The following ST7L variants were observed in gnomAD, a reference collection of about 807,000 sequenced individuals.
ST7L encodes suppression of tumorigenicity 7 like, also known as suppressor of tumorigenicity 7 protein-like.
A neutral mutation model predicts 72.5 loss-of-function variants in ST7L; 57 were observed. The ratio of observed to expected loss-of-function variants is 0.79; its 90% CI spans 0.64 to 0.98. ST7L has a LOEUF of 0.98. Ranked by LOEUF, ST7L falls within the 50% of genes least tolerant of loss-of-function variation. The pLI is 0.00. For synonymous variants in ST7L, 221 were observed against 240.9 expected, an observed-to-expected ratio of 0.92 and a Z score of 0.77; for missense variants, 576 against 672.2, an observed-to-expected ratio of 0.86 and a Z score of 1.58.
chr1:112,547,689 A>C (rs919801153), intron 13 of ST7L, among the ~76,000 whole-genome samples: 2 of 148,142 alleles, frequency 1.4e-5, no homozygotes, highest in Non-Finnish European at 1.5e-5. Flanking sequence ...CAGCCTTCCA[A>C]GTAGCTGAGA....
At chr1:112,543,891 A>C (rs919867963) in intron 13 of ST7L, among the ~76,000 whole-genome samples, 1 of 150,172 alleles carries the variant, frequency 6.7e-6, no homozygotes, top group African/African-American at 2.5e-5. Flanking sequence ...AAAAAAAAAA[A>C]CCTAAACTAG....
Position 112,607,209 on chromosome 1 carries a change from T to C in ST7L, c.451+3632A>G, listed in dbSNP as rs190224702. The C allele has an allele frequency of 3.3e-5, 5 of 152,002 alleles. No individual in the cohort carries two copies. The East Asian group carries it at 5.8e-4, about 18-fold the overall frequency. The allele number at this position is 152,002 out of a possible 1,614,324, so 9.4% of individuals were successfully genotyped here. A position where few individuals can be genotyped will look rare whatever the true frequency, so the allele number is the denominator to read the frequency against. ...AGAGAGTATGTACTAGAAGGGGAAG[T>C]GTAAGAGGAAGGGAAACCACTTAGG... On this transcript the variant is annotated intron_variant, in intron 3 of 14. Coordinates refer to ENST00000358039, the MANE Select transcript of ST7L (RefSeq NM_017744.5).
In ST7L at chr1:112,571,672, C is replaced by T. The variant is rs570735128; in HGVS notation, c.1245+5314G>A. On this transcript the variant is annotated intron_variant, in intron 11 of 14. Coordinates refer to ENST00000358039, the MANE Select transcript of ST7L (RefSeq NM_017744.5). ...AACTCCTGACCTCAGGTGATCCACC[C>T]GCTTCGGCCTCCCAAAGGGCTGGGA... Among the ~76,000 whole-genome samples, 604 of 152,260 alleles carry T rather than the reference C, an allele frequency of 4.0e-3. 3 individuals are homozygous for T. The highest frequency in any genetic ancestry group is 5.2e-3 in the African/African-American group (216 of 41,562).
chr1:112,521,694 T>G (rs912473301), downstream of ST7L: 4 of 152,194 alleles, frequency 2.6e-5, no homozygotes, highest in Non-Finnish European at 5.9e-5. Context: ...TATTGTTCAC[T>G]CCACATTTGG....
chr1:112,576,874 C>T, intron 11 of ST7L, 112 bp downstream of exon 11: 1 of 686,970 alleles, frequency 1.5e-6, no homozygotes, highest in East Asian at 2.8e-5. Flanking sequence ...CAAAATATAG[C>T]AGATTAAAAC....
chr1:112,547,196 T>TC (rs1290643710), intron 13 of ST7L, among the ~76,000 whole-genome samples: 1 of 139,740 alleles, frequency 7.2e-6, no homozygotes, highest in Non-Finnish European at 1.5e-5. Context: ...TTTCTTTCTT[T>TC]TTTTTTTTTT....
rs187715727 is a variant in ST7L, at chr1:112,610,122, C to G, written c.451+719G>C. On this transcript the variant is annotated intron_variant, in intron 3 of 14. Transcript: ENST00000358039. ...TAATGGCCATATGAAACAGACCTGA[C>G]CAGTAGGAAGTAAGGTGAAATAGTA... Among the ~76,000 whole-genome samples the G allele has an allele frequency of 3.4e-3, 510 of 152,066 alleles. 1 individual carries two copies. The highest frequency in any genetic ancestry group is 6.8e-3 in the Middle Eastern group (2 of 294).
At chr1:112,591,438 G>A in intron 6 of ST7L, 87 bp downstream of exon 6, 1 of 1,122,192 alleles carries the variant, frequency 8.9e-7, no homozygotes, top group Non-Finnish European at 1.3e-6. Flanking sequence ...GACTCCAAGT[G>A]TCTTAGGAAC....
intron 11 of ST7L, among the ~76,000 whole-genome samples, chr1:112,575,779 A>G (rs935369078): frequency 2.6e-5 from 4 of 152,258 alleles, no homozygotes; most frequent in African/African-American, 9.6e-5. Context: ...AAAACCATAG[A>G]TATGGGTGAA....
Position 112,574,528 on chromosome 1 carries a change from G to A in ST7L, c.1245+2458C>T, listed in dbSNP as rs184311836. On this transcript the variant is annotated intron_variant, in intron 11 of 14. Coordinates refer to ENST00000358039, the MANE Select transcript of ST7L (RefSeq NM_017744.5). ...CAAAAAATTAGCCAGGCGTGGTGGC[G>A]GGCGCCTGCAGTCTCAGCTACTTGG... Among the ~76,000 whole-genome samples the A allele has an allele frequency of 5.9e-4, 90 of 151,578 alleles. 1 individual carries two copies. The highest frequency in any genetic ancestry group is 3.4e-3 in the Middle Eastern group (1 of 294).
At chr1:112,611,668 G>A (rs763418108) in intron 2 of ST7L, among the ~76,000 whole-genome samples, 7 of 152,070 alleles carry the variant, frequency 4.6e-5, no homozygotes, top group Admixed American at 1.3e-4. Flanking sequence ...GGCCAGACAC[G>A]GTGGTTCACG....
rs776376925 is a variant in ST7L, at chr1:112,541,944, T to A, written c.1629+7A>T. On this transcript the variant is annotated splice_region_variant and intron_variant, in intron 14 of 14. Coordinates refer to ENST00000358039, the MANE Select transcript of ST7L (RefSeq NM_017744.5). ...TAATCTACACAAGTCCTTGAGATCA[T>A]ACTTACAGCTTTAGCAAAAATACCC... is the stretch of plus-strand genomic sequence containing the variant. 6 of 1,613,380 alleles carry A rather than the reference T, an allele frequency of 3.7e-6. No individual in the cohort carries two copies. Among genetic ancestry groups the A allele is most frequent in the Non-Finnish European group, 5.1e-6 (6 of 1,179,780 alleles).
intron 4 of ST7L, among the ~76,000 whole-genome samples, chr1:112,598,932 C>T (rs1021004933): frequency 2.7e-5 from 4 of 150,006 alleles, no homozygotes; most frequent in African/African-American, 7.3e-5. Context: ...TGGTAGCGGC[C>T]GCCTGTGATC....
intron 14 of ST7L, chr1:112,527,556 G>C (rs1239064176): frequency 6.5e-6 from 1 of 152,714 alleles, no homozygotes; most frequent in Non-Finnish European, 1.5e-5. Context: ...AACTAACCCT[G>C]ACTCCTGGAA....
intron 11 of ST7L, chr1:112,570,725 G>T: frequency 2.2e-6 from 1 of 455,026 alleles, no homozygotes. Flanking sequence ...AGGAGAAAAA[G>T]AGGGTCTGTA....
chr1:112,549,321 A>G (rs1278640642), intron 13 of ST7L, among the ~76,000 whole-genome samples: 3 of 152,170 alleles, frequency 2.0e-5, no homozygotes, highest in Non-Finnish European at 4.4e-5. Flanking sequence ...TGAACCCAGG[A>G]GGCGGAGGTT....
chr1:112,561,134 A>G (rs368082141), intron 11 of ST7L, among the ~76,000 whole-genome samples: 6 of 152,190 alleles, frequency 3.9e-5, no homozygotes, highest in African/African-American at 1.4e-4. Flanking sequence ...ATTTTCTAAG[A>G]AGAATATAAA....
At chr1:112,550,357 A>G (rs1657908837) in intron 13 of ST7L, among the ~76,000 whole-genome samples, 2 of 152,288 alleles carry the variant, frequency 1.3e-5, no homozygotes, top group South Asian at 2.1e-4. Context: ...CTAAAAGTTT[A>G]TAAGATGACA....
intron 5 of ST7L, among the ~76,000 whole-genome samples, chr1:112,595,596 T>A (rs990224160): frequency 6.6e-6 from 1 of 151,862 alleles, no homozygotes; most frequent in Non-Finnish European, 1.5e-5. Flanking sequence ...AATTTTAAAC[T>A]TTTTTTGTAG....
Sources: allele counts gnomAD v4.1 joint callset (sites outside exome capture counted in the v4.1 genomes callset), GRCh38; gene constraint gnomAD v4.1.1; transcripts MANE v1.5; gene names NCBI Gene and HGNC (gene_info 2026-07-23, HGNC 2026-07-21).